Variants in TGFBR3 observed in about 807,000 individuals in gnomAD.
The protein encoded by TGFBR3 is transforming growth factor beta receptor type 3.
In TGFBR3, 46 loss-of-function variants were observed where a neutral mutation model predicts 87.9. That is an observed-to-expected ratio of 0.52 (90% CI 0.41 to 0.67). The LOEUF is 0.67. Among genes scored for constraint, TGFBR3 ranks in the 30% least tolerant of loss-of-function variants. TGFBR3 has a pLI of 0.00. For missense variants in TGFBR3, 866 were observed against 1,041.9 expected, an observed-to-expected ratio of 0.83 and a Z score of 2.32; for synonymous variants, 381 against 391.6, an observed-to-expected ratio of 0.97 and a Z score of 0.32.
chr1:91,701,336 A>C (rs1398801447), intron 14 of TGFBR3, among the ~76,000 whole-genome samples: 1 of 152,104 alleles, frequency 6.6e-6, no homozygotes, highest in Non-Finnish European at 1.5e-5. Flanking sequence ...CGAATCCCTA[A>C]GAACCCCTGA....
chr1:91,778,323 T>A (rs982981415), intron 3 of TGFBR3, among the ~76,000 whole-genome samples: 1 of 152,154 alleles, frequency 6.6e-6, no homozygotes, highest in African/African-American at 2.4e-5. Context: ...AATTGGTATT[T>A]TGAAATATTA....
rs143117141 is a variant in TGFBR3 at position 91,683,820 on chromosome 1, C to T, written c.2475G>A (p.Pro825=). The change falls in exon 17 of 17, where the codon CCG becomes CCA. Residue 825 remains proline, a synonymous_variant. Transcript: ENST00000212355. ...TAGRQQVPTS[P]PASENSSAAH... ...CAGCACTGCTGTTTTCCGAGGCTGG[C>T]GGGGAGGTGGGGACTTGCTGCCTTC... The T allele has an allele frequency of 1.4e-5, 22 of 1,607,322 alleles. No homozygotes were observed. Among genetic ancestry groups the T allele is most frequent in the East Asian group, 2.2e-5 (1 of 44,694 alleles).
chr1:91,812,201 T>C (rs776041188), intron 2 of TGFBR3, among the ~76,000 whole-genome samples: 1 of 152,218 alleles, frequency 6.6e-6, no homozygotes, highest in African/African-American at 2.4e-5. Context: ...GCTACATCTA[T>C]TATTTAAAGT....
At chr1:91,843,213 T>C (rs1353639764) in intron 2 of TGFBR3, among the ~76,000 whole-genome samples, 2 of 152,122 alleles carry the variant, frequency 1.3e-5, no homozygotes, top group Non-Finnish European at 2.9e-5. Flanking sequence ...CCCAGTGTGA[T>C]GGTATTGGGA....
At chr1:91,853,028 G>A (rs6664732) in intron 2 of TGFBR3, among the ~76,000 whole-genome samples, 7,468 of 151,424 alleles carry the variant, frequency 0.049, 453 homozygotes, top group African/African-American at 0.15. Flanking sequence ...GCATAGCGGC[G>A]TGCACCCGTA....
At chr1:91,790,325 A>G (rs1034197208) in intron 3 of TGFBR3, among the ~76,000 whole-genome samples, 2 of 152,204 alleles carry the variant, frequency 1.3e-5, no homozygotes, top group Admixed American at 1.3e-4. Context: ...CCTAGTAGCC[A>G]TGGGCTATAT....
At chr1:91,823,622 A>C (rs2634037) in intron 2 of TGFBR3, among the ~76,000 whole-genome samples, 151,340 of 152,306 alleles carry the variant, frequency 0.99, 75,194 homozygotes, top group Middle Eastern at 1. Flanking sequence ...AGTCAGACAC[A>C]AAAGAGCACA....
At chr1:91,826,646 TTCAGCTGAAGA>T (rs1676649157) in intron 2 of TGFBR3, among the ~76,000 whole-genome samples, 1 of 151,892 alleles carries the variant, frequency 6.6e-6, no homozygotes, top group Admixed American at 6.6e-5. Flanking sequence ...CACATCCTTC[TTCAGCTGAAGA>T]TGACCCTATG....
At chr1:91,692,855 C>T (rs1009307903) in intron 16 of TGFBR3, among the ~76,000 whole-genome samples, 8 of 152,172 alleles carry the variant, frequency 5.3e-5, no homozygotes, top group Admixed American at 4.6e-4. Flanking sequence ...TTTTGTGCTC[C>T]GTGCTGCACA....
At chr1:91,696,150 T>C (rs539228041) in intron 15 of TGFBR3, among the ~76,000 whole-genome samples, 2 of 152,314 alleles carry the variant, frequency 1.3e-5, no homozygotes, top group Non-Finnish European at 2.9e-5. Flanking sequence ...GAAAATAAAG[T>C]GAACTTCCAT....
intron 2 of TGFBR3, among the ~76,000 whole-genome samples, chr1:91,816,772 A>C (rs916775453): frequency 6.6e-6 from 1 of 152,236 alleles, no homozygotes; most frequent in African/African-American, 2.4e-5. Context: ...ATGAAGCATT[A>C]AGAAATTTAG....
chr1:91,681,566 C>T lies in TGFBR3; in HGVS notation c.*2173G>A, dbSNP rs1670910973. 2 of 389,454 alleles carry T rather than the reference C, an allele frequency of 5.1e-6. No homozygotes were observed. Among genetic ancestry groups the T allele is most frequent in the Non-Finnish European group, 9.8e-6 (2 of 204,612 alleles). The allele number at this position is 389,454 out of a possible 1,614,324, so 24.1% of individuals were successfully genotyped here. A position where few individuals can be genotyped will look rare whatever the true frequency, so the allele number is the denominator to read the frequency against. Reference sequence around the variant, plus strand: ...TTCTAAGACATCAATCTTTTAATATCTCCTAATAGCTAATTTTCTTTTTAA... The same window carrying T: ...TTCTAAGACATCAATCTTTTAATATTTCCTAATAGCTAATTTTCTTTTTAA... On this transcript the variant is annotated 3_prime_UTR_variant, in exon 17 of 17. Transcript: ENST00000212355.
At chr1:91,825,994 CA>C (rs1557730801) in intron 2 of TGFBR3, among the ~76,000 whole-genome samples, 2 of 145,104 alleles carry the variant, frequency 1.4e-5, no homozygotes, top group East Asian at 3.9e-4. Flanking sequence ...AAAAAAAATC[CA>C]CTTGATTCAA....
At chr1:91,704,378 C>T (rs947343888) in intron 14 of TGFBR3, among the ~76,000 whole-genome samples, 13 of 150,712 alleles carry the variant, frequency 8.6e-5, no homozygotes, top group Non-Finnish European at 1.6e-4. Context: ...AGAAGTGGGG[C>T]AGGAAGAGGG....
chr1:91,835,546 C>T (rs1022043578), intron 2 of TGFBR3, among the ~76,000 whole-genome samples: 3 of 152,110 alleles, frequency 2.0e-5, no homozygotes, highest in African/African-American at 2.4e-5. Flanking sequence ...AATGCCAACA[C>T]AGGCCAGGCG....
At chr1:91,898,683 C>T (rs752482778) in intron 2 of TGFBR3, among the ~76,000 whole-genome samples, 3 of 152,098 alleles carry the variant, frequency 2.0e-5, no homozygotes, top group Non-Finnish European at 2.9e-5. Flanking sequence ...GTGATCCACC[C>T]GCCTTGGCCT....
chr1:91,869,407 G>T (rs1678502342), intron 1 of TGFBR3, among the ~76,000 whole-genome samples: 1 of 152,228 alleles, frequency 6.6e-6, no homozygotes, highest in African/African-American at 2.4e-5. Flanking sequence ...GCTCACACCT[G>T]TAATCACAGC....
At chr1:91,835,507 T>C (rs921340315) in intron 2 of TGFBR3, among the ~76,000 whole-genome samples, 2 of 152,108 alleles carry the variant, frequency 1.3e-5, no homozygotes, top group African/African-American at 2.4e-5. Context: ...CAGGCTGAGT[T>C]TGACCAGATA....
At chr1:91,793,064 T>C (rs186353903) in intron 3 of TGFBR3, among the ~76,000 whole-genome samples, 2 of 152,342 alleles carry the variant, frequency 1.3e-5, no homozygotes, top group East Asian at 3.9e-4. Flanking sequence ...TATGTACTGT[T>C]GTAACAAGTG....
Sources: gnomAD v4.1 joint callset for allele counts (sites outside exome capture counted in the v4.1 genomes callset) on GRCh38, gnomAD v4.1.1 for gene constraint, MANE v1.5 for transcripts, NCBI Gene and HGNC (gene_info 2026-07-23, HGNC 2026-07-21) for gene names.